The following TNRC6A variants were observed in gnomAD, a reference collection of about 807,000 sequenced individuals.
The protein encoded by TNRC6A is trinucleotide repeat-containing gene 6A protein.
Under a neutral mutation model 221.2 loss-of-function variants are expected in TNRC6A, and 44 were observed. That is an observed-to-expected ratio of 0.20 (90% CI 0.16 to 0.26). The LOEUF (loss-of-function observed/expected upper bound fraction) is 0.26. Ranked by LOEUF, TNRC6A falls within the 10% of genes least tolerant of loss-of-function variation. The pLI, the probability that TNRC6A is intolerant of heterozygous loss-of-function variation, is 1.00. For synonymous variants in TNRC6A, 847 were observed against 838.5 expected (o/e 1.01, Z -0.18); for missense variants, 2,199 against 2,404.4 (o/e 0.91, Z 1.79).
At position 24,729,678 on chromosome 16, in the gene TNRC6A, G is replaced by GCGGTGT. The variant is rs766064851; in HGVS notation, c.-160_-155dup. On this transcript the variant is annotated 5_prime_UTR_variant, in exon 1 of 25. Transcript: ENST00000395799. ...TTCCGGTCTGGGGCCTGCGGCGGCGGCGGTGTCGGCGGCGGCGGCGGCGGC... is the reference window on the plus strand; with the variant it reads ...TTCCGGTCTGGGGCCTGCGGCGGCGGCGGTGTCGGTGTCGGCGGCGGCGGCGGCGGC... 0.024 allele frequency: 17,731 copies of GCGGTGT among 727,314 alleles called. 529 individuals carry two copies. Among genetic ancestry groups the GCGGTGT allele is most frequent in the Middle Eastern group, 0.038 (82 of 2,152 alleles). 45.1% of individuals were successfully genotyped at this position (727,314 alleles called of 1,614,324 possible). A position where few individuals can be genotyped will look rare whatever the true frequency, so the allele number is the denominator to read the frequency against.
At chr16:24,750,604 G>T (rs2057114029) in intron 2 of TNRC6A, 122 bp from the exon 3 acceptor site, 1 of 1,206,042 alleles carries the variant, frequency 8.3e-7, no homozygotes. Context: ...TTCAATGAAT[G>T]ATAAAATAAT....
At chr16:24,705,677 C>G (rs947679667) in intron 2 of TNRC6A, among the ~76,000 whole-genome samples, 4 of 152,130 alleles carry the variant, frequency 2.6e-5, no homozygotes, top group Admixed American at 6.6e-5. Flanking sequence ...ACTACATGAC[C>G]TTTCTTAGAG....
intron 9 of TNRC6A, among the ~76,000 whole-genome samples, chr16:24,797,091 A>C (rs1251085640): frequency 6.6e-6 from 1 of 152,206 alleles, no homozygotes; most frequent in Non-Finnish European, 1.5e-5. Context: ...GCTTCTTTGG[A>C]CTAACCTTAG....
intron 1 of TNRC6A, among the ~76,000 whole-genome samples, chr16:24,626,372 T>C (rs1426622638): frequency 6.6e-6 from 1 of 152,058 alleles, no homozygotes; most frequent in African/African-American, 2.4e-5. Flanking sequence ...CATTGAGAAA[T>C]GAAATATTGC....
chr16:24,662,737 A>G (rs1321952755), intron 2 of TNRC6A: 2 of 153,726 alleles, frequency 1.3e-5, no homozygotes, highest in Non-Finnish European at 2.9e-5. Flanking sequence ...GCATGCTAGC[A>G]GGTGTATTTT....
rs906130533 is a variant in TNRC6A at position 24,789,472 on chromosome 16, G to A, written c.830G>A (p.Gly277Asp). 17 of 1,614,074 alleles carry A rather than the reference G, an allele frequency of 1.1e-5. No individual in the cohort carries two copies. The highest frequency in any genetic ancestry group is 1.4e-5 in the Non-Finnish European group (16 of 1,180,050). The change falls in exon 6 of 25, where the codon GGT becomes GAT. Residue 277 changes from glycine to aspartate, a missense_variant. This residue lies in a region of TNRC6A where 1,405 missense variants were observed against 1,400.2 expected (regional missense o/e 1.00). Coordinates refer to ENST00000395799, the MANE Select transcript of TNRC6A (RefSeq NM_014494.4). ...ACTATCATGGCTTCAGGGAACACAG[G>A]TGGTGAAAAAGATGGCCTTCGGAAT... ...NITIMASGNT[G>D]GEKDGLRNST...
At chr16:24,707,167 T>C (rs1216131560) in intron 2 of TNRC6A, among the ~76,000 whole-genome samples, 1 of 152,002 alleles carries the variant, frequency 6.6e-6, no homozygotes, top group Admixed American at 6.6e-5. Context: ...GGCTAATTTT[T>C]GTATTTTTAG....
chr16:24,631,659 C>T (rs1388032550), intron 1 of TNRC6A, among the ~76,000 whole-genome samples: 1 of 151,938 alleles, frequency 6.6e-6, no homozygotes, highest in Non-Finnish European at 1.5e-5. Flanking sequence ...GTAGTCCTAG[C>T]TGCTTGGGAG....
At chr16:24,782,087 G>A (rs552461106) in intron 5 of TNRC6A, among the ~76,000 whole-genome samples, 2 of 152,302 alleles carry the variant, frequency 1.3e-5, no homozygotes, top group South Asian at 2.1e-4. Context: ...CTCCCAAAGT[G>A]CTGGGATTAC....
upstream of TNRC6A, among the ~76,000 whole-genome samples, chr16:24,725,214 G>A (rs1567390371): frequency 6.6e-6 from 1 of 152,020 alleles, no homozygotes. Flanking sequence ...CTGTCACCCA[G>A]ACTGGAGTGC....
At chr16:24,649,775 T>G (rs1030679504) in intron 2 of TNRC6A, among the ~76,000 whole-genome samples, 3 of 148,456 alleles carry the variant, frequency 2.0e-5, no homozygotes, top group African/African-American at 7.5e-5. Flanking sequence ...CACCAACATC[T>G]CCCCAATTTC....
rs200756415 is a variant in TNRC6A at position 24,681,534 on chromosome 16, GT to G, written n.402+40533del. ...TGAGCCATCGCACCTGACCTAACCT[GT>G]TTTTTTTCTATTAGTAATATATTGT... On this transcript the variant is annotated intron_variant and non_coding_transcript_variant, in intron 2 of 2. Coordinates refer to the TNRC6A transcript ENST00000566108. Among the ~76,000 whole-genome samples, 70 of 151,794 alleles carry G rather than the reference GT, an allele frequency of 4.6e-4. 1 individual carries two copies. The East Asian group carries it at 0.011, about 25-fold the overall frequency.
Position 24,729,775 on chromosome 16 carries a change from G to A in TNRC6A, c.-67G>A. The A allele has an allele frequency of 2.2e-6, 3 of 1,383,482 alleles. No homozygotes were observed. Among genetic ancestry groups the A allele is most frequent in the Admixed American group, 3.0e-5 (1 of 33,000 alleles). 85.7% of individuals were successfully genotyped at this position (1,383,482 alleles called of 1,614,324 possible). On this transcript the variant is annotated 5_prime_UTR_variant, in exon 1 of 25. Transcript: ENST00000395799. ...AGCGGCTCGGGCCTCTCCCCGCGGC[G>A]CTGCGGAGGGCTTGAGGCTCGCGAG...
intron 2 of TNRC6A, among the ~76,000 whole-genome samples, chr16:24,652,869 A>C (rs2141855291): frequency 6.6e-6 from 1 of 152,326 alleles, no homozygotes; most frequent in South Asian, 2.1e-4. Context: ...TCCTTATCCC[A>C]AACTCAAAAT....
At chr16:24,717,756 ATCTTTTTTTTTT>A (rs1327210181) in intron 2 of TNRC6A, among the ~76,000 whole-genome samples, 6 of 139,826 alleles carry the variant, frequency 4.3e-5, no homozygotes, top group East Asian at 2.1e-4. Flanking sequence ...GACAAGGTTC[ATCTTTTTTTTTT>A]TCTTTTTTTT....
intron 2 of TNRC6A, among the ~76,000 whole-genome samples, chr16:24,700,243 T>TA (rs1322831458): frequency 6.8e-6 from 1 of 146,350 alleles, no homozygotes; most frequent in Non-Finnish European, 1.5e-5. Flanking sequence ...TGAATTTTTC[T>TA]TTTTTTTTTT....
intron 2 of TNRC6A, among the ~76,000 whole-genome samples, chr16:24,688,989 C>T (rs1406765034): frequency 6.6e-6 from 1 of 152,078 alleles, no homozygotes; most frequent in African/African-American, 2.4e-5. Flanking sequence ...TCTCTTGAGC[C>T]CAGGAGTTCG....
At chr16:24,704,731 G>A (rs909409113) in intron 2 of TNRC6A, among the ~76,000 whole-genome samples, 17 of 150,598 alleles carry the variant, frequency 1.1e-4, no homozygotes, top group Non-Finnish European at 2.2e-4. Flanking sequence ...GAGTATAAGG[G>A]GGTATATTAT....
At chr16:24,754,167 A>G (rs1319308947) in intron 3 of TNRC6A, among the ~76,000 whole-genome samples, 1 of 152,146 alleles carries the variant, frequency 6.6e-6, no homozygotes, top group Non-Finnish European at 1.5e-5. Flanking sequence ...GTTTTTTTAA[A>G]ATTAACACCA....
Sources: allele counts gnomAD v4.1 joint callset (sites outside exome capture counted in the v4.1 genomes callset), GRCh38; gene constraint gnomAD v4.1.1; regional missense constraint gnomAD v4.1.1; transcripts MANE v1.5; gene names NCBI Gene and HGNC (gene_info 2026-07-23, HGNC 2026-07-21).